RAD51B: variants seen among roughly 807,000 people sequenced by gnomAD.
The protein encoded by RAD51B is DNA repair protein RAD51 homolog 2.
A neutral mutation model predicts 42.2 loss-of-function variants in RAD51B; 38 were observed. That is an observed-to-expected ratio of 0.90 (90% CI 0.70 to 1.18). The LOEUF (loss-of-function observed/expected upper bound fraction) is 1.18, where lower values mean the gene tolerates loss of function less well. RAD51B is among the 50% of genes most tolerant of loss of function. RAD51B has a pLI of 0.00. For missense variants in RAD51B, 373 were observed against 400.7 expected (o/e 0.93, Z 0.59); for synonymous variants, 154 against 145.2 (o/e 1.06, Z -0.43).
chr14:68,114,922 T>A (rs1190775053), intron 7 of RAD51B, among the ~76,000 whole-genome samples: 1 of 151,308 alleles, frequency 6.6e-6, no homozygotes. Flanking sequence ...TGTGGAGAAA[T>A]AGGAACACTT....
intron 4 of RAD51B, among the ~76,000 whole-genome samples, chr14:67,852,172 C>G (rs914366560): frequency 7.9e-5 from 12 of 152,322 alleles, no homozygotes; most frequent in Middle Eastern, 3.4e-3. Flanking sequence ...ACCGACTGAC[C>G]AGAGTGCTCA....
At chr14:68,095,612 C>A (rs765278117) in intron 7 of RAD51B, among the ~76,000 whole-genome samples, 1 of 152,038 alleles carries the variant, frequency 6.6e-6, no homozygotes, top group Non-Finnish European at 1.5e-5. Flanking sequence ...TATTCACATA[C>A]CCAATACCAT....
intron 7 of RAD51B, among the ~76,000 whole-genome samples, chr14:68,274,913 A>T (rs2081190639): frequency 6.6e-6 from 1 of 152,146 alleles, no homozygotes; most frequent in Non-Finnish European, 1.5e-5. Flanking sequence ...AGGCAAAAAC[A>T]CTCTATAGGT....
At chr14:68,290,427 A>G (rs1483464672) in intron 7 of RAD51B, among the ~76,000 whole-genome samples, 1 of 152,220 alleles carries the variant, frequency 6.6e-6, no homozygotes, top group Non-Finnish European at 1.5e-5. Flanking sequence ...CTTCTAAACA[A>G]TAAGGTAGGT....
At chr14:68,370,155 TA>T (rs2083223757) in intron 8 of RAD51B, among the ~76,000 whole-genome samples, 1 of 152,216 alleles carries the variant, frequency 6.6e-6, no homozygotes, top group African/African-American at 2.4e-5. Flanking sequence ...ATTTTTCACA[TA>T]AAAATTTTGC....
intron 7 of RAD51B, among the ~76,000 whole-genome samples, chr14:68,283,493 A>C (rs1040013411): frequency 6.6e-6 from 1 of 152,202 alleles, no homozygotes; most frequent in Admixed American, 6.5e-5. Context: ...ACTAACTGCA[A>C]AATTGCACAC....
In RAD51B at chr14:68,561,477, G is replaced by A. The variant is rs143960013; in HGVS notation, c.1037-33008G>A. On this transcript the variant is annotated intron_variant, in intron 10 of 10. Transcript: ENST00000487270. ...TGGGGCCTCTGCTCTGCAGAGCACC[G>A]CTGGGGACACTTAGGCGAGGTGACT... Among the ~76,000 whole-genome samples the A allele has an allele frequency of 1.1e-4, 16 of 152,310 alleles. No individual in the cohort carries two copies. In the East Asian group the frequency reaches 1.7e-3, roughly 17 times the overall value.
At chr14:68,072,210 T>TTATATATA (rs60687017) in intron 7 of RAD51B, among the ~76,000 whole-genome samples, 7,995 of 136,352 alleles carry the variant, frequency 0.059, 476 homozygotes, top group African/African-American at 0.15. Flanking sequence ...TTTCTAGGTT[T>TTATATATA]TATATATATA....
chr14:68,496,397 T>C (rs1884521880), intron 10 of RAD51B, among the ~76,000 whole-genome samples: 1 of 152,220 alleles, frequency 6.6e-6, no homozygotes, highest in Non-Finnish European at 1.5e-5. Context: ...TGTCCATGCC[T>C]CTGGGCCAAT....
At chr14:68,079,451 T>C (rs2076881496) in intron 7 of RAD51B, among the ~76,000 whole-genome samples, 2 of 152,200 alleles carry the variant, frequency 1.3e-5, no homozygotes. Flanking sequence ...TTGACAGTAT[T>C]TAGCATTTAC....
intron 11 of RAD51B, among the ~76,000 whole-genome samples, chr14:68,661,182 G>T (rs1892924375): frequency 6.6e-6 from 1 of 152,206 alleles, no homozygotes; most frequent in Non-Finnish European, 1.5e-5. Flanking sequence ...GGTTTCCCGT[G>T]AATGACTATA....
At chr14:68,523,405 G>A (rs1212095328) in intron 10 of RAD51B, among the ~76,000 whole-genome samples, 1 of 152,218 alleles carries the variant, frequency 6.6e-6, no homozygotes, top group Non-Finnish European at 1.5e-5. Context: ...TGTTCGTGAT[G>A]TCTGGGGTGG....
intron 7 of RAD51B, among the ~76,000 whole-genome samples, chr14:68,159,905 A>G (rs964725310): frequency 1.3e-5 from 2 of 152,158 alleles, no homozygotes; most frequent in African/African-American, 2.4e-5. Context: ...TGGGCTTGTC[A>G]TTGGGTAGCC....
chr14:68,037,423 G>C (rs533545825), intron 7 of RAD51B, among the ~76,000 whole-genome samples: 1 of 151,416 alleles, frequency 6.6e-6, no homozygotes, highest in Non-Finnish European at 1.5e-5. Context: ...GTTTTACCAC[G>C]TTGGCCAGGA....
intron 3 of RAD51B, among the ~76,000 whole-genome samples, chr14:67,829,228 G>A (rs1374052007): frequency 6.6e-6 from 1 of 151,456 alleles, no homozygotes; most frequent in Non-Finnish European, 1.5e-5. Flanking sequence ...TTATTGCTAG[G>A]TATTTTCTTT....
At chr14:68,161,106 T>G (rs2078629914) in intron 7 of RAD51B, among the ~76,000 whole-genome samples, 1 of 152,216 alleles carries the variant, frequency 6.6e-6, no homozygotes. Context: ...TATTTTCATT[T>G]TACTTGGTCC....
At chr14:68,261,251 C>T (rs745697474) in intron 7 of RAD51B, among the ~76,000 whole-genome samples, 9 of 152,226 alleles carry the variant, frequency 5.9e-5, no homozygotes, top group Non-Finnish European at 1.3e-4. Context: ...TCTTTTGTTC[C>T]TGCCACAAGG....
chr14:68,386,944 TC>T (rs1351120775), intron 8 of RAD51B, among the ~76,000 whole-genome samples: 2 of 152,206 alleles, frequency 1.3e-5, no homozygotes, highest in East Asian at 3.8e-4. Flanking sequence ...TGATATCACC[TC>T]TCCTTTGTGA....
chr14:68,075,317 A>T (rs541759107), intron 7 of RAD51B, among the ~76,000 whole-genome samples: 60 of 152,254 alleles, frequency 3.9e-4, no homozygotes, highest in African/African-American at 1.3e-3. Context: ...TTTCTTTCCC[A>T]GTCCGAGGGC....
Sources: allele counts gnomAD v4.1 joint callset (sites outside exome capture counted in the v4.1 genomes callset), GRCh38; gene constraint gnomAD v4.1.1; transcripts MANE v1.5; gene names NCBI Gene and HGNC (gene_info 2026-07-23, HGNC 2026-07-21).